DLGAP2: variants seen among roughly 807,000 people sequenced by gnomAD.
The protein encoded by DLGAP2 is disks large-associated protein 2.
DLGAP2 carries 26 observed loss-of-function variants against 100.3 expected under a neutral mutation model. That is an observed-to-expected ratio of 0.26 (90% CI 0.19 to 0.36). The LOEUF is 0.36. DLGAP2 is among the 10% of genes least tolerant of loss of function. The pLI, the probability that DLGAP2 is intolerant of heterozygous loss-of-function variation, is 1.00. For synonymous variants in DLGAP2, 886 were observed against 630.1 expected (o/e 1.41, Z -6.08); for missense variants, 1,858 against 1,453.2 (o/e 1.28, Z -4.53).
At chr8:758,856 C>T (rs1035760362) in intron 1 of DLGAP2, among the ~76,000 whole-genome samples, 14 of 152,192 alleles carry the variant, frequency 9.2e-5, no homozygotes, top group Middle Eastern at 3.4e-3. Flanking sequence ...TCACCATGCC[C>T]GGCCAAGACT....
chr8:1,482,977 C>A (rs574383600), intron 3 of DLGAP2, among the ~76,000 whole-genome samples: 34 of 152,262 alleles, frequency 2.2e-4, no homozygotes, highest in Non-Finnish European at 5.9e-5. Flanking sequence ...CCTCACGTCC[C>A]GTGCTCGGGC....
chr8:1,257,132 G>A (rs1400208038), intron 2 of DLGAP2, among the ~76,000 whole-genome samples: 1 of 152,172 alleles, frequency 6.6e-6, no homozygotes, highest in East Asian at 1.9e-4. Flanking sequence ...CCGAAGTCGG[G>A]AGAGCTCAGT....
chr8:1,202,255 T>C (rs1797894492), intron 2 of DLGAP2, among the ~76,000 whole-genome samples: 1 of 145,358 alleles, frequency 6.9e-6, no homozygotes, highest in African/African-American at 2.8e-5. Context: ...TGTGTGTGTG[T>C]GTGTGTGTGT....
At chr8:749,194 T>G (rs1820727689) in intron 1 of DLGAP2, among the ~76,000 whole-genome samples, 1 of 152,220 alleles carries the variant, frequency 6.6e-6, no homozygotes, top group African/African-American at 2.4e-5. Flanking sequence ...TTTGGCTATA[T>G]TGCCCAGTCT....
intron 1 of DLGAP2, among the ~76,000 whole-genome samples, chr8:767,874 C>G (rs1054912634): frequency 6.6e-6 from 1 of 152,182 alleles, no homozygotes; most frequent in Admixed American, 6.5e-5. Context: ...GGAGAAGTTT[C>G]TTGCAGTAGA....
rs1482954171 is a variant in DLGAP2, at chr8:737,700, C to A, written c.-108C>A. 3.0e-5 allele frequency: 11 copies of A among 370,014 alleles called. No individual in the cohort carries two copies. The highest frequency in any genetic ancestry group is 3.4e-5 in the Non-Finnish European group (7 of 207,550). 22.9% of individuals were successfully genotyped at this position (370,014 alleles called of 1,614,324 possible). On this transcript the variant is annotated 5_prime_UTR_variant, in exon 1 of 15. Transcript: ENST00000637795. ...TGCGGCGGCGAACGGACGGACGGACCGCGGACGGACGTACTGACCCCAACC... is the reference window on the plus strand; with the variant it reads ...TGCGGCGGCGAACGGACGGACGGACAGCGGACGGACGTACTGACCCCAACC...
At chr8:846,172 A>G (rs940523716) in intron 1 of DLGAP2, among the ~76,000 whole-genome samples, 2 of 152,234 alleles carry the variant, frequency 1.3e-5, no homozygotes, top group Non-Finnish European at 2.9e-5. Flanking sequence ...AGCTATTTTG[A>G]AATAAATAAT....
intron 2 of DLGAP2, among the ~76,000 whole-genome samples, chr8:1,023,691 C>G (rs780061053): frequency 6.6e-6 from 1 of 152,112 alleles, no homozygotes; most frequent in Non-Finnish European, 1.5e-5. Context: ...TTACCAGCAC[C>G]TTTTCCCCAT....
intron 1 of DLGAP2, among the ~76,000 whole-genome samples, chr8:880,068 TG>T (rs1472221713): frequency 6.6e-6 from 1 of 152,226 alleles, no homozygotes; most frequent in African/African-American, 2.4e-5. Flanking sequence ...CTTGTCCTGC[TG>T]CTTCCAAATT....
At chr8:951,597 A>G (rs184735962) in intron 2 of DLGAP2, among the ~76,000 whole-genome samples, 30 of 152,270 alleles carry the variant, frequency 2.0e-4, no homozygotes, top group African/African-American at 7.2e-4. Context: ...TACCCTTGAT[A>G]ATTATTGCGT....
At chr8:1,119,002 A>G (rs984714445) in intron 2 of DLGAP2, among the ~76,000 whole-genome samples, 1 of 151,858 alleles carries the variant, frequency 6.6e-6, no homozygotes, top group Non-Finnish European at 1.5e-5. Context: ...GTGGAGAACC[A>G]TTCAAGTGAC....
intron 3 of DLGAP2, among the ~76,000 whole-genome samples, chr8:1,267,019 G>T (rs1190227328): frequency 2.0e-5 from 3 of 151,952 alleles, no homozygotes; most frequent in African/African-American, 4.8e-5. Context: ...ACAAGGTCAG[G>T]AGGTCAAAAC....
intron 2 of DLGAP2, among the ~76,000 whole-genome samples, chr8:1,173,729 C>A (rs116485224): frequency 0.051 from 7,706 of 152,198 alleles, 257 homozygotes; most frequent in East Asian, 0.1. Context: ...TTAAGCCCAT[C>A]GGAAAAAGCA....
At chr8:1,432,925 G>A (rs145515682) in intron 3 of DLGAP2, among the ~76,000 whole-genome samples, 118 of 152,246 alleles carry the variant, frequency 7.8e-4, no homozygotes, top group Admixed American at 3.5e-3. Context: ...GGCGAGCATC[G>A]AGGCGCGGAG....
rs1388171755 is a variant in DLGAP2, at chr8:1,330,511, G to A, written c.106+71628G>A. 5.9e-5 allele frequency among the ~76,000 whole-genome samples: 8 copies of A among 135,182 alleles called. 1 individual carries two copies. The highest frequency in any genetic ancestry group is 2.6e-4 in the South Asian group (1 of 3,918). The allele number at this position is 135,182 out of a possible 152,430, so 88.7% of individuals were successfully genotyped here. On this transcript the variant is annotated intron_variant, in intron 3 of 14. Coordinates refer to ENST00000637795, the MANE Select transcript of DLGAP2 (RefSeq NM_001346810.2). ...GTTTTGGGTGGGAGCACCGCTTCACGGGGACTGAGTTCTGGGTGGGACTGA... is the reference window on the plus strand; with the variant it reads ...GTTTTGGGTGGGAGCACCGCTTCACAGGGACTGAGTTCTGGGTGGGACTGA...
At chr8:1,269,409 C>G (rs1013242850) in intron 3 of DLGAP2, among the ~76,000 whole-genome samples, 4 of 152,186 alleles carry the variant, frequency 2.6e-5, no homozygotes, top group African/African-American at 7.2e-5. Context: ...TGCGGTGAGC[C>G]TAGGTCAGAG....
chr8:967,721 A>G (rs1373369929), intron 2 of DLGAP2, among the ~76,000 whole-genome samples: 1 of 137,880 alleles, frequency 7.3e-6, no homozygotes, highest in Non-Finnish European at 1.5e-5. Context: ...TTACTACTGT[A>G]TAAAATCTTA....
intron 3 of DLGAP2, among the ~76,000 whole-genome samples, chr8:1,467,083 G>T (rs1327202687): frequency 6.6e-6 from 1 of 152,114 alleles, no homozygotes; most frequent in East Asian, 1.9e-4. Context: ...CCGGGACCAG[G>T]ATGGTCAGTC....
At chr8:1,294,387 GGTT>G (rs1800125045) in intron 3 of DLGAP2, among the ~76,000 whole-genome samples, 1 of 152,196 alleles carries the variant, frequency 6.6e-6, no homozygotes, top group African/African-American at 2.4e-5. Flanking sequence ...TGACTGGTGA[GGTT>G]GTTTTGGTGT....
Sources: allele counts gnomAD v4.1 joint callset (sites outside exome capture counted in the v4.1 genomes callset), GRCh38; gene constraint gnomAD v4.1.1; transcripts MANE v1.5; gene names NCBI Gene and HGNC (gene_info 2026-07-23, HGNC 2026-07-21).